The following LAMA2 variants were observed in gnomAD, a reference collection of about 807,000 sequenced individuals.
LAMA2 encodes the protein laminin subunit alpha-2.
LAMA2 carries 269 observed loss-of-function variants against 364.8 expected under a neutral mutation model. That is an observed-to-expected ratio of 0.74 (90% CI 0.67 to 0.82). LAMA2 has a LOEUF of 0.82. Ranked by LOEUF, LAMA2 falls within the 40% of genes least tolerant of loss-of-function variation. The pLI is 0.00. For synonymous variants in LAMA2, 1,379 were observed against 1,370.6 expected (o/e 1.01, Z -0.14); for missense variants, 3,807 against 3,873.2 (o/e 0.98, Z 0.45).
chr6:129,151,246 A>T (rs1369092130), intron 7 of LAMA2, among the ~76,000 whole-genome samples: 1 of 152,196 alleles, frequency 6.6e-6, no homozygotes, highest in Non-Finnish European at 1.5e-5. Flanking sequence ...GGTTTTACAT[A>T]TAGTAGCTCA....
intron 32 of LAMA2, among the ~76,000 whole-genome samples, chr6:129,361,783 C>CTTTT (rs66805881): frequency 6.6e-5 from 8 of 121,078 alleles, no homozygotes; most frequent in Admixed American, 1.8e-4. Flanking sequence ...TAACAGTAAC[C>CTTTT]TTTTTTTTTT....
intron 3 of LAMA2, among the ~76,000 whole-genome samples, chr6:129,071,903 G>T (rs117275446): frequency 2.0e-5 from 3 of 152,042 alleles, no homozygotes; most frequent in African/African-American, 4.8e-5. Context: ...CAAGGCAGGC[G>T]GATGGCTTGA....
intron 1 of LAMA2, among the ~76,000 whole-genome samples, chr6:128,902,532 C>T (rs1017920182): frequency 6.6e-6 from 1 of 152,022 alleles, no homozygotes; most frequent in South Asian, 2.1e-4. Context: ...TTCATTATGA[C>T]ATGTGGGGCC....
chr6:129,473,120 G>A lies in LAMA2; in HGVS notation c.7301-94G>A, dbSNP rs551190476. The A allele has an allele frequency of 9.7e-5, 95 of 979,036 alleles. 1 individual carries two copies. The highest frequency in any genetic ancestry group is 8.6e-4 in the South Asian group (60 of 69,380). 60.6% of individuals were successfully genotyped at this position (979,036 alleles called of 1,614,324 possible). On this transcript the variant is annotated intron_variant, in intron 51 of 64. Transcript: ENST00000421865. ...CTTGAGAAAGTCAATGTTAATTCTCGAATTAAACCAAATTTGTCTTGAAGT... is the reference window on the plus strand; with the variant it reads ...CTTGAGAAAGTCAATGTTAATTCTCAAATTAAACCAAATTTGTCTTGAAGT...
intron 9 of LAMA2, among the ~76,000 whole-genome samples, chr6:129,173,590 A>C (rs1429104743): frequency 6.6e-6 from 1 of 152,204 alleles, no homozygotes; most frequent in South Asian, 2.1e-4. Context: ...TAATGCTTAT[A>C]ATTCAAAAAT....
intron 40 of LAMA2, among the ~76,000 whole-genome samples, chr6:129,408,841 G>T (rs1358671040): frequency 6.6e-6 from 1 of 152,122 alleles, no homozygotes; most frequent in African/African-American, 2.4e-5. Flanking sequence ...GAAAGAGGCT[G>T]AGTGGTGTAC....
At chr6:129,094,683 A>T (rs530024714) in intron 3 of LAMA2, among the ~76,000 whole-genome samples, 1 of 152,180 alleles carries the variant, frequency 6.6e-6, no homozygotes, top group African/African-American at 2.4e-5. Context: ...TTTGTTTTAT[A>T]TCTTTAAAAA....
At chr6:129,129,365 A>C (rs1396857502) in intron 4 of LAMA2, among the ~76,000 whole-genome samples, 1 of 152,224 alleles carries the variant, frequency 6.6e-6, no homozygotes, top group Non-Finnish European at 1.5e-5. Context: ...GTTAACCTAC[A>C]TACAAATTTG....
chr6:129,190,369 G>C, intron 11 of LAMA2, 24 bp downstream of exon 11: 1 of 1,611,248 alleles, frequency 6.2e-7, no homozygotes, highest in South Asian at 1.1e-5. Flanking sequence ...ATTTGGTTCT[G>C]TTTGCTGCCC....
intron 1 of LAMA2, among the ~76,000 whole-genome samples, chr6:129,049,318 G>A (rs1302455506): frequency 3.3e-5 from 5 of 152,094 alleles, no homozygotes; most frequent in African/African-American, 7.2e-5. Flanking sequence ...TATGATCATG[G>A]ACCACTATAA....
At chr6:129,373,626 C>T (rs763464347) in intron 34 of LAMA2, among the ~76,000 whole-genome samples, 1 of 152,094 alleles carries the variant, frequency 6.6e-6, no homozygotes, top group Non-Finnish European at 1.5e-5. Context: ...ATTGTGTCTT[C>T]TTAGGGTTCC....
chr6:129,246,590 G>A (rs1330125777), intron 12 of LAMA2, among the ~76,000 whole-genome samples: 1 of 152,108 alleles, frequency 6.6e-6, no homozygotes, highest in Non-Finnish European at 1.5e-5. Context: ...AGAGCCACTG[G>A]GGAATCTTCA....
intron 4 of LAMA2, among the ~76,000 whole-genome samples, chr6:129,133,700 C>A (rs893051583): frequency 5.9e-5 from 9 of 152,178 alleles, no homozygotes; most frequent in Non-Finnish European, 1.3e-4. Flanking sequence ...AATTTAAAGT[C>A]TCTGACATCT....
intron 12 of LAMA2, among the ~76,000 whole-genome samples, chr6:129,198,413 A>G (rs1781976187): frequency 6.6e-6 from 1 of 152,134 alleles, no homozygotes; most frequent in Non-Finnish European, 1.5e-5. Context: ...GCATTTTTTC[A>G]ATCAGTTAAG....
chr6:129,267,108 T>A lies in LAMA2; in HGVS notation c.2211T>A (p.Ser737=). 6.2e-7 allele frequency: 1 copy of A among 1,600,868 alleles called. No individual in the cohort carries two copies. Among genetic ancestry groups the A allele is most frequent in the Non-Finnish European group, 8.6e-7 (1 of 1,167,992 alleles). Residue 737 remains serine (S), a splice_region_variant and synonymous_variant, in exon 16 of 65, where the codon TCT becomes TCA. Transcript: ENST00000421865. ...PPGYTGSSCE[S]CWPRHRRVNG... is the part of the protein sequence containing the mutation. The stretch of plus-strand genomic sequence containing the variant: ...CTAAAGCCTTATCTTTCTCTCAGTC[T>A]TGTTGGCCTAGGCACAGGCGAGTTA...
intron 12 of LAMA2, among the ~76,000 whole-genome samples, chr6:129,206,227 C>T (rs565951010): frequency 9.0e-4 from 137 of 152,118 alleles, no homozygotes; most frequent in Non-Finnish European, 1.4e-3. Flanking sequence ...TACTATTTGT[C>T]TTTTAAAGTG....
chr6:129,154,253 A>T (rs1448861679), intron 7 of LAMA2, among the ~76,000 whole-genome samples: 2 of 152,098 alleles, frequency 1.3e-5, no homozygotes, highest in Non-Finnish European at 2.9e-5. Flanking sequence ...TCTACTAAAA[A>T]TACAGAAATT....
rs1787633774 is a variant in LAMA2, at chr6:129,268,032, T to A, written c.2322+813T>A. 7.2e-5 allele frequency among the ~76,000 whole-genome samples: 11 copies of A among 152,276 alleles called. No homozygotes were observed. In the South Asian group the frequency reaches 2.3e-3, roughly 32 times the overall value. ...ATTTCCCTGAAGAATTTAAGGCGGA[T>A]TCTGTTACCTGTAATTCTTAATGTT... On this transcript the variant is annotated intron_variant, in intron 16 of 64. Transcript: ENST00000421865.
At chr6:129,277,641 T>C (rs781003380) in intron 17 of LAMA2, among the ~76,000 whole-genome samples, 2 of 152,160 alleles carry the variant, frequency 1.3e-5, no homozygotes, top group African/African-American at 2.4e-5. Context: ...CTAGATCCCA[T>C]ACTAAATTCT....
Sources: allele counts gnomAD v4.1 joint callset (sites outside exome capture counted in the v4.1 genomes callset), GRCh38; gene constraint gnomAD v4.1.1; transcripts MANE v1.5; gene names NCBI Gene and HGNC (gene_info 2026-07-23, HGNC 2026-07-21).